GRK1: variants seen among roughly 807,000 people sequenced by gnomAD.
GRK1 encodes rhodopsin kinase GRK1.
A neutral mutation model predicts 41.7 loss-of-function variants in GRK1; 28 were observed. That is an observed-to-expected ratio of 0.67 (90% CI 0.50 to 0.92). The LOEUF (loss-of-function observed/expected upper bound fraction) is 0.92. GRK1 is among the 40% of genes least tolerant of loss of function. The pLI is 0.00. For synonymous variants in GRK1, 327 were observed against 286.7 expected, an observed-to-expected ratio of 1.14 and a Z score of -1.42; for missense variants, 703 against 671.2, an observed-to-expected ratio of 1.05 and a Z score of -0.52.
Position 113,733,680 on chromosome 13 carries a change from C to T in GRK1, c.1396+595C>T, listed in dbSNP as rs577079090. Among the ~76,000 whole-genome samples, 158 of 83,532 alleles carry T rather than the reference C, an allele frequency of 1.9e-3. 4 individuals carry two copies. The highest frequency in any genetic ancestry group is 8.1e-3 in the East Asian group (24 of 2,952). The allele number at this position is 83,532 out of a possible 152,430, so 54.8% of individuals were successfully genotyped here. ...GTGTGTGCGTGTGTGCACGTGTGTG[C>T]ATGTATGTGTGCATACATGTGTGCG... On this transcript the variant is annotated intron_variant, in intron 6 of 6. Transcript: ENST00000335678.
upstream of GRK1, among the ~76,000 whole-genome samples, chr13:113,663,739 A>G: frequency 6.6e-6 from 1 of 152,226 alleles, no homozygotes. Context: ...GTAAATTACA[A>G]CCGTAAGGGA....
At chr13:113,662,032 C>T in the GRK1 span, among the ~76,000 whole-genome samples, 5 of 152,150 alleles carry the variant, frequency 3.3e-5, no homozygotes, top group African/African-American at 1.2e-4. Context: ...AAGAGAACTA[C>T]AGATCAATAT....
At chr13:113,657,804 G>A in the GRK1 span, among the ~76,000 whole-genome samples, 2 of 152,246 alleles carry the variant, frequency 1.3e-5, no homozygotes, top group African/African-American at 2.4e-5. Context: ...CTCCACCGGC[G>A]TTCTGCAGCT....
chr13:113,655,229 G>T, the GRK1 span, among the ~76,000 whole-genome samples: 1 of 152,192 alleles, frequency 6.6e-6, no homozygotes, highest in African/African-American at 2.4e-5. Flanking sequence ...CACTCCAGCC[G>T]CTGTTTGAGA....
In GRK1 at chr13:113,671,297, T is replaced by A. The variant is rs1451052668; in HGVS notation, c.828-202T>A. Among the ~76,000 whole-genome samples, 1 of 152,108 alleles carries A rather than the reference T, an allele frequency of 6.6e-6. No individual in the cohort carries two copies. Among genetic ancestry groups the A allele is most frequent in the African/African-American group, 2.4e-5 (1 of 41,410 alleles). ...GACAGCACTTTCTCCCTGTTAGCAG[T>A]TGGGGTTCAGGGTCCCTGAGCTGCT... On this transcript the variant is annotated intron_variant, in intron 2 of 6. Coordinates refer to ENST00000335678, the MANE Select transcript of GRK1 (RefSeq NM_002929.3). This position sits in a 1 kb window ranked among gnomAD's most constrained non-coding sequence, Gnocchi z 4.1.
intron 6 of GRK1, among the ~76,000 whole-genome samples, chr13:113,733,748 CATGTGTGTGCGTGTGTATGT>C (rs2049965197): frequency 8.6e-6 from 1 of 116,510 alleles, no homozygotes; most frequent in African/African-American, 3.9e-5. Flanking sequence ...TGTGTGCATA[CATGTGTGTGCGTGTGTATGT>C]GTGTGCATAC....
chr13:113,658,448 C>T, the GRK1 span, among the ~76,000 whole-genome samples: 2 of 152,234 alleles, frequency 1.3e-5, no homozygotes, highest in East Asian at 1.9e-4. Flanking sequence ...GGGCACGTTC[C>T]GGGGTGAGCA....
chr13:113,667,427 C>T lies in GRK1; in HGVS notation c.41C>T (p.Ala14Val), dbSNP rs1420070432. The T allele has an allele frequency of 6.2e-7, 1 of 1,602,152 alleles. No homozygotes were observed. The highest frequency in any genetic ancestry group is 1.7e-5 in the Admixed American group (1 of 58,988). ...GSLETVVANS[A>V]FIAARGSFDG... ...TTGGAGACCGTGGTGGCCAACTCTG[C>T]CTTCATCGCCGCCCGAGGCAGCTTT... is the stretch of plus-strand genomic sequence containing the variant. The change falls in exon 1 of 7, where the codon GCC (alanine) becomes GTC (valine). Residue 14 changes from alanine (A) to valine (V), a missense_variant. By Grantham distance (64) the Ala-to-Val change is moderately conservative. Transcript: ENST00000335678. The surrounding 1 kb of genome is among the most constrained non-coding windows in gnomAD (Gnocchi z 7.5).
At chr13:113,723,445 GT>G (rs1443335206) in intron 4 of GRK1, among the ~76,000 whole-genome samples, 2 of 151,950 alleles carry the variant, frequency 1.3e-5, no homozygotes, top group Non-Finnish European at 2.9e-5. Context: ...GCACAGTTTG[GT>G]TTTACACATT....
rs1190541679 is a variant in GRK1, at chr13:113,667,320, T to C, written c.-67T>C. 29 of 1,435,206 alleles carry C rather than the reference T, an allele frequency of 2.0e-5. No homozygotes were observed. The highest frequency in any genetic ancestry group is 2.6e-5 in the Non-Finnish European group (28 of 1,075,694). 88.9% of individuals were successfully genotyped at this position (1,435,206 alleles called of 1,614,324 possible). ...GGGCAGCAGTCAGGCCTGCTCTGTC[T>C]GTGAACGCTCCCGGCTTGGCCTCGG... On this transcript the variant is annotated 5_prime_UTR_variant, in exon 1 of 7. Coordinates refer to ENST00000335678, the MANE Select transcript of GRK1 (RefSeq NM_002929.3). This position sits in a 1 kb window ranked among gnomAD's most constrained non-coding sequence, Gnocchi z 7.5.
At chr13:113,662,914 A>G (rs2049798417), upstream of GRK1, among the ~76,000 whole-genome samples, 1 of 152,240 alleles carries the variant, frequency 6.6e-6, no homozygotes, top group African/African-American at 2.4e-5. Flanking sequence ...ATCCAGACAC[A>G]ATGTTTTTGG....
At chr13:113,654,751 A>C in the GRK1 span, 127 of 1,570,990 alleles carry the variant, frequency 8.1e-5, no homozygotes, top group Non-Finnish European at 8.8e-5. Flanking sequence ...GGGCGTCTCC[A>C]GAGCCGAGGA....
chr13:113,649,364 G>A, the GRK1 span: 1,213 of 1,587,950 alleles, frequency 7.6e-4, 13 homozygotes, highest in African/African-American at 0.013. This position sits in a 1 kb window ranked among gnomAD's most constrained non-coding sequence, Gnocchi z 4.7. Flanking sequence ...GGACCCCTGC[G>A]CAAACCGTTT....
the GRK1 span, among the ~76,000 whole-genome samples, chr13:113,657,027 A>G: frequency 6.6e-6 from 1 of 151,920 alleles, no homozygotes; most frequent in Non-Finnish European, 1.5e-5. Context: ...TGCGCCCATG[A>G]CTCCAGCTGG....
In GRK1 at chr13:113,733,763, GTA is replaced by G. The variant is rs1301290299; in HGVS notation, c.1396+680_1396+681del. 9.3e-4 allele frequency among the ~76,000 whole-genome samples: 111 copies of G among 119,918 alleles called. 1 individual carries two copies. The highest frequency in any genetic ancestry group is 5.0e-3 in the Middle Eastern group (1 of 202). The allele number at this position is 119,918 out of a possible 152,430, so 78.7% of individuals were successfully genotyped here. A position where few individuals can be genotyped will look rare whatever the true frequency, so the allele number is the denominator to read the frequency against. On this transcript the variant is annotated intron_variant, in intron 6 of 6. Transcript: ENST00000335678. ...TGTGTGCATACATGTGTGTGCGTGT[GTA>G]TGTGTGTGCATACGTGTGTGCATGT...
intron 4 of GRK1, among the ~76,000 whole-genome samples, chr13:113,729,447 CA>C (rs1459068737): frequency 2.0e-5 from 3 of 152,184 alleles, no homozygotes; most frequent in African/African-American, 7.2e-5. Flanking sequence ...AGTCCCGGGA[CA>C]GGGGCAGTGA....
the GRK1 span, among the ~76,000 whole-genome samples, chr13:113,660,034 A>G: frequency 1.3e-5 from 2 of 152,244 alleles, no homozygotes; most frequent in African/African-American, 4.8e-5. Context: ...GCTGAGCTGT[A>G]CACATGTTAT....
At chr13:113,650,894 TGA>T in the GRK1 span, among the ~76,000 whole-genome samples, 1 of 152,002 alleles carries the variant, frequency 6.6e-6, no homozygotes, top group Non-Finnish European at 1.5e-5. This position sits in a 1 kb window ranked among gnomAD's most constrained non-coding sequence, Gnocchi z 5.0. Flanking sequence ...TGCGTTTTTG[TGA>T]GATTGGGGCC....
chr13:113,733,581 G>C (rs1387178460), intron 6 of GRK1, among the ~76,000 whole-genome samples: 1 of 151,624 alleles, frequency 6.6e-6, no homozygotes, highest in Non-Finnish European at 1.5e-5. Flanking sequence ...GTATGTGTGT[G>C]CATACGTGTG....
Sources: gnomAD v4.1 joint callset for allele counts (sites outside exome capture counted in the v4.1 genomes callset) on GRCh38, gnomAD v4.1.1 for gene constraint, Gnocchi (gnomAD v3.1) non-coding constraint, MANE v1.5 for transcripts, NCBI Gene and HGNC (gene_info 2026-07-23, HGNC 2026-07-21) for gene names.